Variants in TNFRSF8 observed in about 807,000 individuals in gnomAD.
The protein encoded by TNFRSF8 is TNF receptor superfamily member 8, also known as tumor necrosis factor receptor superfamily member 8.
In TNFRSF8, 26 loss-of-function variants were observed where a neutral mutation model predicts 70.8. The observed-to-expected ratio is 0.37, with a 90% CI of 0.27 to 0.51. TNFRSF8 has a LOEUF of 0.51. TNFRSF8 is among the 20% of genes least tolerant of loss of function. TNFRSF8 has a pLI of 0.94. For synonymous variants in TNFRSF8, 356 were observed against 339.2 expected, an observed-to-expected ratio of 1.05 and a Z score of -0.54; for missense variants, 720 against 807.9, an observed-to-expected ratio of 0.89 and a Z score of 1.32.
Position 12,123,332 on chromosome 1 carries a change from A to C in TNFRSF8, c.995A>C (p.Gln332Pro). 6.2e-7 allele frequency: 1 copy of C among 1,613,500 alleles called. No individual in the cohort carries two copies. Among genetic ancestry groups the C allele is most frequent in the South Asian group, 1.1e-5 (1 of 90,874 alleles). Reference protein sequence around the residue: ...TTFEAPPLGTQPDCNPTPENG... With the variant: ...TTFEAPPLGTPPDCNPTPENG... ...TTTGAGGCGCCACCCCTGGGGACCC[A>C]GCCGGACTGCAACCCCACCCCAGAG... The change falls in exon 9 of 15, where the codon CAG (glutamine) becomes CCG (proline). Residue 332 changes from glutamine (Q) to proline (P), a missense_variant. Gln to Pro is a moderately conservative substitution (Grantham distance 76). Coordinates refer to ENST00000263932, the MANE Select transcript of TNFRSF8 (RefSeq NM_001243.5).
intron 9 of TNFRSF8, 122 bp from the exon 10 acceptor site, chr1:12,123,593 G>A (rs1641873765): frequency 5.0e-6 from 5 of 994,588 alleles, no homozygotes; most frequent in South Asian, 1.6e-5. Flanking sequence ...GCAGAGACTC[G>A]GGGCAGAGGA....
rs914617023 is a variant in TNFRSF8 at position 12,070,322 on chromosome 1, C to T, written c.63+6661C>T. 1.3e-4 allele frequency among the ~76,000 whole-genome samples: 19 copies of T among 150,982 alleles called. No homozygotes were observed. The South Asian group carries it at 2.7e-3, about 22-fold the overall frequency. The stretch of plus-strand genomic sequence containing the variant: ...CTGGAGTGCAGTGGTGTGATCTCGG[C>T]TCACTGCAAGCTTCGCCTCCCAGGT... On this transcript the variant is annotated intron_variant, in intron 1 of 14. Transcript: ENST00000263932.
At chr1:12,124,900 G>A (rs1641907546) in intron 10 of TNFRSF8, among the ~76,000 whole-genome samples, 1 of 145,654 alleles carries the variant, frequency 6.9e-6, no homozygotes, top group Non-Finnish European at 1.6e-5. Flanking sequence ...CCAAGAGTTA[G>A]CTCTTAGGGA....
In TNFRSF8 at chr1:12,113,571, GAGAA is replaced by G; in HGVS notation, c.793+1561_793+1564del. ...TGAGAGAGAGAAAGAGAGAGACAGA[GAGAA>G]AGAGACAGAATGAGAGGGAGAGAGA... On this transcript the variant is annotated intron_variant, in intron 7 of 14. Transcript: ENST00000263932. This position sits in a 1 kb window ranked among gnomAD's most constrained non-coding sequence, Gnocchi z 4.9. Among the ~76,000 whole-genome samples, 1 of 144,218 alleles carries G rather than the reference GAGAA, an allele frequency of 6.9e-6. No individual in the cohort carries two copies. Among genetic ancestry groups the G allele is most frequent in the African/African-American group, 2.6e-5 (1 of 38,170 alleles). The allele number at this position is 144,218 out of a possible 152,430, so 94.6% of individuals were successfully genotyped here.
intron 8 of TNFRSF8, among the ~76,000 whole-genome samples, chr1:12,121,157 G>A (rs1641822369): frequency 6.6e-6 from 1 of 152,182 alleles, no homozygotes; most frequent in Non-Finnish European, 1.5e-5. Context: ...ACTGATTAAC[G>A]AGCATGTAGG....
intron 2 of TNFRSF8, among the ~76,000 whole-genome samples, chr1:12,085,618 T>TCTCCAGG (rs1641140726): frequency 6.6e-6 from 1 of 152,136 alleles, no homozygotes; most frequent in Non-Finnish European, 1.5e-5. Context: ...GGACAATAGA[T>TCTCCAGG]TTCTCTGAGA....
At chr1:12,102,341 C>T (rs975333279) in intron 3 of TNFRSF8, among the ~76,000 whole-genome samples, 1 of 152,256 alleles carries the variant, frequency 6.6e-6, no homozygotes, top group South Asian at 2.1e-4. Context: ...CAGAGCCTTT[C>T]CCCCTTCTTC....
At chr1:12,084,637 T>C (rs1641121939) in intron 2 of TNFRSF8, 86 bp downstream of exon 2, 2 of 1,270,088 alleles carry the variant, frequency 1.6e-6, no homozygotes, top group Non-Finnish European at 1.1e-6. Flanking sequence ...AGTGGGGAAA[T>C]TGGAGCCAAC....
rs577759381 is a variant in TNFRSF8 at position 12,119,499 on chromosome 1, G to A, written c.946+3770G>A. Reference sequence around the variant, plus strand: ...GATTTTATCTACCTGCCGGTTGATGGCATTTGGGTTGTTTCCAGTTTAGGG... The same window carrying A: ...GATTTTATCTACCTGCCGGTTGATGACATTTGGGTTGTTTCCAGTTTAGGG... On this transcript the variant is annotated intron_variant, in intron 8 of 14. Coordinates refer to ENST00000263932, the MANE Select transcript of TNFRSF8 (RefSeq NM_001243.5). The surrounding 1 kb of genome is among the most constrained non-coding windows in gnomAD (Gnocchi z 4.4). Among the ~76,000 whole-genome samples, 7 of 151,588 alleles carry A rather than the reference G, an allele frequency of 4.6e-5. No individual in the cohort carries two copies. In the South Asian group the frequency reaches 1.5e-3, roughly 32 times the overall value.
At position 12,112,090 on chromosome 1, in the gene TNFRSF8, C is replaced by G. The variant is rs1641643857; in HGVS notation, c.793+76C>G. ...AACCGTGAACTTCCAGTAACTACTCCCCCTTATGTTTGTGGGTTTTTGATG... is the reference window on the plus strand; with the variant it reads ...AACCGTGAACTTCCAGTAACTACTCGCCCTTATGTTTGTGGGTTTTTGATG... On this transcript the variant is annotated intron_variant, in intron 7 of 14. Coordinates refer to ENST00000263932, the MANE Select transcript of TNFRSF8 (RefSeq NM_001243.5). This position sits in a 1 kb window ranked among gnomAD's most constrained non-coding sequence, Gnocchi z 5.3. The G allele has an allele frequency of 9.3e-7, 1 of 1,072,760 alleles. No individual in the cohort carries two copies. Among genetic ancestry groups the G allele is most frequent in the Admixed American group, 2.2e-5 (1 of 45,102 alleles). 66.5% of individuals were successfully genotyped at this position (1,072,760 alleles called of 1,614,324 possible).
chr1:12,137,100 G>A (rs981756874), intron 13 of TNFRSF8, among the ~76,000 whole-genome samples: 7 of 152,026 alleles, frequency 4.6e-5, no homozygotes, highest in African/African-American at 1.7e-4. Context: ...GACTCTTAGC[G>A]AGTGAAGAAT....
At chr1:12,106,019 T>G (rs1167997275) in intron 4 of TNFRSF8, among the ~76,000 whole-genome samples, 1 of 151,988 alleles carries the variant, frequency 6.6e-6, no homozygotes, top group Non-Finnish European at 1.5e-5. Context: ...TTGACCTGCC[T>G]TCTTCTCTTC....
Position 12,082,584 on chromosome 1 carries a change from C to A in TNFRSF8, c.64-1880C>A, listed in dbSNP as rs185062481. ...AAAAACAAAAACAAAACAAAAAAAA[C>A]CCCCACAAAAACCCACAAAACAAAA... On this transcript the variant is annotated intron_variant, in intron 1 of 14. Coordinates refer to ENST00000263932, the MANE Select transcript of TNFRSF8 (RefSeq NM_001243.5). 6.1e-3 allele frequency among the ~76,000 whole-genome samples: 903 copies of A among 148,790 alleles called. 7 individuals carry two copies. The highest frequency in any genetic ancestry group is 0.018 in the African/African-American group (738 of 40,432).
chr1:12,088,329 TA>T lies in TNFRSF8; in HGVS notation c.151+3780del, dbSNP rs77595405. 0.1 allele frequency among the ~76,000 whole-genome samples: 12,396 copies of T among 119,200 alleles called. 1,356 individuals are homozygous for T. Among genetic ancestry groups the T allele is most frequent in the African/African-American group, 0.26 (9,255 of 35,782 alleles). The allele number at this position is 119,200 out of a possible 152,430, so 78.2% of individuals were successfully genotyped here. A position where few individuals can be genotyped will look rare whatever the true frequency, so the allele number is the denominator to read the frequency against. ...ACTGTGCTGGGCCCTTTACCGACCT[TA>T]AGTTCCTTCAATCCTGATAAGAAAT... On this transcript the variant is annotated intron_variant, in intron 2 of 14. Coordinates refer to ENST00000263932, the MANE Select transcript of TNFRSF8 (RefSeq NM_001243.5). This position sits in a 1 kb window ranked among gnomAD's most constrained non-coding sequence, Gnocchi z 4.0.
rs1443365419 is a variant in TNFRSF8, at chr1:12,142,161, T to C, written c.1544-126T>C. On this transcript the variant is annotated intron_variant, in intron 14 of 14. Coordinates refer to ENST00000263932, the MANE Select transcript of TNFRSF8 (RefSeq NM_001243.5). The surrounding 1 kb of genome is among the most constrained non-coding windows in gnomAD (Gnocchi z 5.0). ...TGCCTGTAAGGTACATCAGAGAGGC[T>C]GTGCCATCAGCCTGAAGCCACCCGG... The C allele has an allele frequency of 7.6e-6, 10 of 1,316,576 alleles. No individual in the cohort carries two copies. The African/African-American group carries it at 1.0e-4, about 14-fold the overall frequency. The allele number at this position is 1,316,576 out of a possible 1,614,324, so 81.6% of individuals were successfully genotyped here.
intron 8 of TNFRSF8, among the ~76,000 whole-genome samples, chr1:12,120,253 T>C (rs1023034839): frequency 2.0e-5 from 3 of 152,264 alleles, no homozygotes; most frequent in African/African-American, 7.2e-5. Flanking sequence ...CAGCACTCCA[T>C]CCTAGCAGAG....
At chr1:12,073,717 CCGAGTAG>C (rs1640889137) in intron 1 of TNFRSF8, among the ~76,000 whole-genome samples, 1 of 151,632 alleles carries the variant, frequency 6.6e-6, no homozygotes, top group South Asian at 2.1e-4. Flanking sequence ...CCTCAGGATC[CCGAGTAG>C]CTGGGATTAC....
chr1:12,099,259 T>G lies in TNFRSF8; in HGVS notation c.268+2042T>G, dbSNP rs112571324. ...TCTACCTCCTGGATTCGAGCGATTC[T>G]CCTGCCTCCTGAGTAGCTGAGATTA... On this transcript the variant is annotated intron_variant, in intron 3 of 14. Coordinates refer to ENST00000263932, the MANE Select transcript of TNFRSF8 (RefSeq NM_001243.5). Among the ~76,000 whole-genome samples the G allele has an allele frequency of 3.9e-5, 6 of 152,208 alleles. 1 individual carries two copies. Among genetic ancestry groups the G allele is most frequent in the African/African-American group, 1.2e-4 (5 of 41,536 alleles).
intron 1 of TNFRSF8, among the ~76,000 whole-genome samples, chr1:12,080,023 A>G (rs549856919): frequency 2.2e-4 from 32 of 147,084 alleles, no homozygotes; most frequent in Non-Finnish European, 4.0e-4. Flanking sequence ...ATCTCGGCTC[A>G]CTGCAACCTC....
Sources: allele counts gnomAD v4.1 joint callset (sites outside exome capture counted in the v4.1 genomes callset), GRCh38; gene constraint gnomAD v4.1.1; non-coding constraint Gnocchi (gnomAD v3.1); transcripts MANE v1.5; gene names NCBI Gene and HGNC (gene_info 2026-07-23, HGNC 2026-07-21).